DLG5: variants seen among roughly 807,000 people sequenced by gnomAD.
The protein encoded by DLG5 is disks large homolog 5.
Under a neutral mutation model 189.8 loss-of-function variants are expected in DLG5, and 48 were observed. The observed-to-expected ratio is 0.25, with a 90% CI of 0.20 to 0.32. DLG5 has a LOEUF of 0.32. DLG5 is among the 10% of genes least tolerant of loss of function. The pLI is 1.00. For missense variants in DLG5, 2,160 were observed against 2,544.7 expected (o/e 0.85, Z 3.25); for synonymous variants, 1,016 against 1,054.1 (o/e 0.96, Z 0.70).
intron 15 of DLG5, chr10:77,820,775 C>T: frequency 2.5e-6 from 1 of 400,796 alleles, no homozygotes; most frequent in Non-Finnish European, 4.5e-6. Context: ...TCTCCCTAGC[C>T]CTTCAAGGCA....
At chr10:77,918,896 T>C (rs1001376384) in intron 1 of DLG5, among the ~76,000 whole-genome samples, 1 of 151,178 alleles carries the variant, frequency 6.6e-6, no homozygotes, top group Non-Finnish European at 1.5e-5. Flanking sequence ...AACATACAGG[T>C]GGTTGGAATG....
the DLG5 span, among the ~76,000 whole-genome samples, chr10:77,934,842 C>CTTT: frequency 2.8e-5 from 4 of 145,102 alleles, no homozygotes; most frequent in Middle Eastern, 3.5e-3. Flanking sequence ...GGGTGCTGTT[C>CTTT]TTTTTTTTTG....
intron 14 of DLG5, among the ~76,000 whole-genome samples, chr10:77,823,045 T>C (rs1842446296): frequency 6.6e-6 from 1 of 152,228 alleles, no homozygotes; most frequent in Non-Finnish European, 1.5e-5. Context: ...TGAACCTTAA[T>C]GTAAACTATG....
In DLG5 at chr10:77,796,300, C is replaced by A; in HGVS notation, c.5309-112G>T. On this transcript the variant is annotated intron_variant, in intron 28 of 31. Transcript: ENST00000372391. The surrounding 1 kb of genome is among the most constrained non-coding windows in gnomAD (Gnocchi z 5.2). ...CTGTCAGTAACCCAGTCCTGCCATG[C>A]ATGAATCTGACCCATGTCAGCAGGC... 6 of 1,590,650 alleles carry A rather than the reference C, an allele frequency of 3.8e-6. No individual in the cohort carries two copies. Among genetic ancestry groups the A allele is most frequent in the Non-Finnish European group, 5.2e-6 (6 of 1,164,964 alleles).
In DLG5 at chr10:77,792,228, C is replaced by T. The variant is rs547469332; in HGVS notation, c.*212G>A. On this transcript the variant is annotated 3_prime_UTR_variant, in exon 32 of 32. Coordinates refer to ENST00000372391, the MANE Select transcript of DLG5 (RefSeq NM_004747.4). ...GTTATCTGTTTTGTGTTAAAGCACA[C>T]GTGTGACACGGGCAGAGTGTGTGGG... 1.6e-4 allele frequency: 94 copies of T among 595,918 alleles called. No homozygotes were observed. The highest frequency in any genetic ancestry group is 4.4e-4 in the Admixed American group (15 of 33,728). 36.9% of individuals were successfully genotyped at this position (595,918 alleles called of 1,614,324 possible). A position where few individuals can be genotyped will look rare whatever the true frequency, so the allele number is the denominator to read the frequency against.
At chr10:77,843,300 C>T (rs1843516443) in intron 6 of DLG5, 147 bp downstream of exon 6, 1 of 963,092 alleles carries the variant, frequency 1.0e-6, no homozygotes, top group East Asian at 2.4e-5. Context: ...TCCCAAGACA[C>T]ATTCAGTGTC....
chr10:77,816,460 C>T lies in DLG5; in HGVS notation c.4025+91G>A, dbSNP rs1842055510. On this transcript the variant is annotated intron_variant, in intron 20 of 31. Coordinates refer to ENST00000372391, the MANE Select transcript of DLG5 (RefSeq NM_004747.4). ...ACTCAAGCTACTCCTGCTGCTTCTA[C>T]TAAGCCCCTTCCCTGCAGAGCCCAG... 1.5e-5 allele frequency: 24 copies of T among 1,583,764 alleles called. No homozygotes were observed. The South Asian group carries it at 2.3e-4, about 15-fold the overall frequency.
intron 24 of DLG5, 99 bp from the exon 25 acceptor site, chr10:77,808,043 A>T: frequency 7.1e-7 from 1 of 1,405,112 alleles, no homozygotes; most frequent in Non-Finnish European, 9.7e-7. Context: ...GAAATTCAAC[A>T]TCCCTCCTTA....
intron 1 of DLG5, among the ~76,000 whole-genome samples, chr10:77,896,496 A>C (rs908669827): frequency 2.6e-5 from 4 of 152,206 alleles, no homozygotes; most frequent in African/African-American, 9.7e-5. Flanking sequence ...TTTCCAAATG[A>C]ATCAGGAAAA....
At chr10:77,795,095 G>T in intron 29 of DLG5, 137 bp from the exon 30 acceptor site, 2 of 641,076 alleles carry the variant, frequency 3.1e-6, no homozygotes, top group Non-Finnish European at 2.7e-6. Flanking sequence ...AGTACACCGT[G>T]GGGAAACCAT....
intron 30 of DLG5, among the ~76,000 whole-genome samples, 167 bp downstream of exon 30, chr10:77,794,682 A>G (rs1159804881): frequency 1.3e-5 from 2 of 152,180 alleles, no homozygotes; most frequent in African/African-American, 4.8e-5. Flanking sequence ...AGTAGGGGAC[A>G]GGGCCGACAG....
intron 2 of DLG5, among the ~76,000 whole-genome samples, chr10:77,859,822 T>C (rs1222454974): frequency 6.6e-6 from 1 of 152,246 alleles, no homozygotes; most frequent in East Asian, 1.9e-4. Flanking sequence ...AAATATTCTT[T>C]GGCGGTGAGG....
In DLG5 at chr10:77,821,931, C is replaced by G. The variant is rs544809899; in HGVS notation, c.2553G>C (p.Arg851Ser). The G allele has an allele frequency of 1.4e-4, 231 of 1,614,250 alleles. 3 individuals are homozygous for G. In the South Asian group the frequency reaches 2.5e-3, roughly 17 times the overall value. The part of the protein sequence containing the change: ...STQTDIFYTD[R>S]LEDRKEPGPP... ...GGCCTGGCTCCTTCCTGTCTTCCAG[C>G]CTGTCCGTGTAGAAGATGTCTGTCT... is the stretch of plus-strand genomic sequence containing the variant. Residue 851 changes from arginine (R) to serine (S), a missense_variant, in exon 15 of 32, where the codon AGG becomes AGC. By Grantham distance (110) the Arg-to-Ser change is moderately radical (BLOSUM62 -1). This residue lies in a region of DLG5 where 754 missense variants were observed against 746.5 expected (regional missense o/e 1.01). Transcript: ENST00000372391.
At chr10:77,934,450 G>A in the DLG5 span, among the ~76,000 whole-genome samples, 2 of 152,018 alleles carry the variant, frequency 1.3e-5, no homozygotes, top group South Asian at 2.1e-4. Context: ...ATCCAGGCAG[G>A]CACAATCTAA....
At chr10:77,917,523 C>CAAAA (rs35757354) in intron 1 of DLG5, among the ~76,000 whole-genome samples, 1 of 114,024 alleles carries the variant, frequency 8.8e-6, no homozygotes, top group Non-Finnish European at 1.9e-5. Context: ...ACTCCATCTC[C>CAAAA]AAAAAAAAAA....
rs376732493 is a variant in DLG5 at position 77,821,153 on chromosome 10, G to A, written c.3331C>T (p.Arg1111Cys). 5.3e-5 allele frequency: 85 copies of A among 1,614,024 alleles called. No homozygotes were observed. Among genetic ancestry groups the A allele is most frequent in the East Asian group, 2.0e-4 (9 of 44,890 alleles). ...QKVDELGQKR[R>C]RPKSAPSFRP... ...AAACTGGGAGCAGATTTTGGCCGGCGACGCTTCTGCCCCAGCTCATCCACC... is the reference window on the plus strand; with the variant it reads ...AAACTGGGAGCAGATTTTGGCCGGCAACGCTTCTGCCCCAGCTCATCCACC... Residue 1111 changes from arginine (R) to cysteine (C), a missense_variant, in exon 15 of 32, where the codon CGC (arginine) becomes TGC (cysteine). By Grantham distance (180) the Arg-to-Cys change is radical. Around this residue, in one of 5 missense-constraint regions of DLG5, gnomAD observed 754 missense variants for 746.5 expected, o/e 1.01. Transcript: ENST00000372391.
intron 11 of DLG5, among the ~76,000 whole-genome samples, chr10:77,829,806 C>T (rs1018698984): frequency 6.6e-6 from 1 of 152,208 alleles, no homozygotes; most frequent in East Asian, 1.9e-4. Flanking sequence ...AATAATCACG[C>T]CTACCTTGTA....
chr10:77,809,613 G>A lies in DLG5; in HGVS notation c.4581C>T (p.Ala1527=), dbSNP rs1841657658. 2 of 1,614,114 alleles carry A rather than the reference G, an allele frequency of 1.2e-6. No homozygotes were observed. The highest frequency in any genetic ancestry group is 1.1e-5 in the South Asian group (1 of 91,078). Residue 1527 remains alanine, a synonymous_variant, in exon 24 of 32, where the codon GCC becomes GCT. Coordinates refer to ENST00000372391, the MANE Select transcript of DLG5 (RefSeq NM_004747.4). ...CGGNLHGVFV[A]EVEDDSPAKG... is the part of the protein sequence containing the mutation. Reference sequence around the variant, plus strand: ...TGGCAGGACTGTCATCCTCCACCTCGGCCACAAACACCCCATGCAGGTTCC... The same window carrying A: ...TGGCAGGACTGTCATCCTCCACCTCAGCCACAAACACCCCATGCAGGTTCC...
Position 77,791,503 on chromosome 10 carries a change from G to C in DLG5, c.*937C>G, listed in dbSNP as rs1282309276. ...CCTAAAAGCTCTCAATTCAATGTCT[G>C]AAACATGAATGTTTTCATATCAAAA... On this transcript the variant is annotated 3_prime_UTR_variant, in exon 32 of 32. Transcript: ENST00000372391. 6.6e-6 allele frequency: 1 copy of C among 152,200 alleles called. No individual in the cohort carries two copies. The highest frequency in any genetic ancestry group is 2.4e-5 in the African/African-American group (1 of 41,454). 9.4% of individuals were successfully genotyped at this position (152,200 alleles called of 1,614,324 possible). A position where few individuals can be genotyped will look rare whatever the true frequency, so the allele number is the denominator to read the frequency against.
Sources: allele counts gnomAD v4.1 joint callset (sites outside exome capture counted in the v4.1 genomes callset), GRCh38; gene constraint gnomAD v4.1.1; regional missense constraint gnomAD v4.1.1; non-coding constraint Gnocchi (gnomAD v3.1); transcripts MANE v1.5; gene names NCBI Gene and HGNC (gene_info 2026-07-23, HGNC 2026-07-21).